Variants in LPP observed in about 807,000 individuals in gnomAD.
LPP encodes LIM domain containing preferred translocation partner in lipoma, also known as lipoma-preferred partner.
Under a neutral mutation model 60.4 loss-of-function variants are expected in LPP, and 38 were observed. The observed-to-expected ratio is 0.63, with a 90% CI of 0.49 to 0.83. The LOEUF (loss-of-function observed/expected upper bound fraction) is 0.83. Ranked by LOEUF, LPP falls within the 40% of genes least tolerant of loss-of-function variation. The pLI is 0.00. For missense variants in LPP, 902 were observed against 783.6 expected (o/e 1.15, Z -1.80); for synonymous variants, 328 against 290.8 (o/e 1.13, Z -1.30).
intron 6 of LPP, among the ~76,000 whole-genome samples, chr3:188,602,069 A>AATATATATATAT (rs10534152): frequency 1.6e-5 from 2 of 128,838 alleles, no homozygotes; most frequent in Admixed American, 1.7e-4. Context: ...CTCTATCTCA[A>AATATATATATAT]ATATATATAT....
chr3:188,278,013 C>T (rs1740601027), intron 2 of LPP, among the ~76,000 whole-genome samples: 1 of 152,116 alleles, frequency 6.6e-6, no homozygotes, highest in African/African-American at 2.4e-5. Flanking sequence ...TTCTTTTTGC[C>T]CTTTTTCTTG....
intron 1 of LPP, among the ~76,000 whole-genome samples, chr3:188,213,253 A>G (rs1002965649): frequency 6.6e-6 from 1 of 152,212 alleles, no homozygotes; most frequent in Non-Finnish European, 1.5e-5. Context: ...GCATTTGCAC[A>G]GCATCCACGG....
chr3:188,790,276 A>G (rs904795130), intron 9 of LPP, among the ~76,000 whole-genome samples: 1 of 152,174 alleles, frequency 6.6e-6, no homozygotes, highest in Non-Finnish European at 1.5e-5. Context: ...AATAGGACAT[A>G]AAGGATCTGA....
intron 8 of LPP, among the ~76,000 whole-genome samples, chr3:188,738,451 A>G (rs890879297): frequency 2.0e-5 from 3 of 152,316 alleles, no homozygotes; most frequent in South Asian, 4.1e-4. Context: ...AAGGCAGACA[A>G]TGTAACTGCA....
chr3:188,331,344 CAT>C (rs570786282), intron 2 of LPP, among the ~76,000 whole-genome samples: 116 of 152,336 alleles, frequency 7.6e-4, no homozygotes, highest in African/African-American at 2.8e-3. Context: ...CAGGATATCA[CAT>C]GTCTTCTCTG....
chr3:188,544,508 C>A (rs1391958897), intron 6 of LPP, among the ~76,000 whole-genome samples: 1 of 150,998 alleles, frequency 6.6e-6, no homozygotes, highest in East Asian at 2.0e-4. Context: ...AAAAAATGCT[C>A]ATCATCACTG....
intron 5 of LPP, among the ~76,000 whole-genome samples, chr3:188,522,502 T>A (rs1230019610): frequency 6.6e-6 from 1 of 152,184 alleles, no homozygotes; most frequent in Non-Finnish European, 1.5e-5. Flanking sequence ...CATTATTCAC[T>A]GATTTATTTA....
intron 9 of LPP, among the ~76,000 whole-genome samples, chr3:188,765,866 T>TCC: frequency 1.3e-5 from 1 of 76,074 alleles, no homozygotes; most frequent in Non-Finnish European, 3.1e-5. Flanking sequence ...CAACTCTTTT[T>TCC]TTTTTTTTTT....
intron 3 of LPP, among the ~76,000 whole-genome samples, chr3:188,387,475 C>T (rs113497174): frequency 2.0e-3 from 305 of 151,758 alleles, no homozygotes; most frequent in Non-Finnish European, 3.2e-3. Context: ...GAAAATTTTG[C>T]GATGATTAAC....
Position 188,879,480 on chromosome 3 carries a change from G to T in LPP, c.*5001G>T. ...CATATTTTTTAGGTTGTATTTATTC[G>T]TAAAGTGAAATGAGATAATAGAGTC... is the stretch of plus-strand genomic sequence containing the variant. On this transcript the variant is annotated 3_prime_UTR_variant, in exon 12 of 12. Transcript: ENST00000617246. 2 of 203,302 alleles carry T rather than the reference G, an allele frequency of 9.8e-6. No homozygotes were observed. Among genetic ancestry groups the T allele is most frequent in the Admixed American group, 6.0e-5 (1 of 16,744 alleles). 12.6% of individuals were successfully genotyped at this position (203,302 alleles called of 1,614,324 possible).
chr3:188,316,752 A>G (rs1456251596), intron 2 of LPP, among the ~76,000 whole-genome samples: 2 of 152,252 alleles, frequency 1.3e-5, no homozygotes, highest in East Asian at 3.8e-4. Flanking sequence ...TCAGATGAGA[A>G]TCAAAACAAA....
intron 6 of LPP, among the ~76,000 whole-genome samples, chr3:188,549,919 A>C (rs1313149564): frequency 6.6e-6 from 1 of 152,164 alleles, no homozygotes; most frequent in Non-Finnish European, 1.5e-5. Flanking sequence ...TGTGCATTAA[A>C]ATCTTGGTTC....
intron 3 of LPP, among the ~76,000 whole-genome samples, chr3:188,367,120 T>C (rs1483450699): frequency 6.6e-6 from 1 of 151,896 alleles, no homozygotes; most frequent in Non-Finnish European, 1.5e-5. Context: ...ATGGTCTCGA[T>C]CTCCTGACCT....
intron 4 of LPP, among the ~76,000 whole-genome samples, chr3:188,469,644 G>T (rs1398578284): frequency 6.6e-6 from 1 of 152,002 alleles, no homozygotes. Flanking sequence ...TTGTTTATTT[G>T]GCTTCTAGGA....
At chr3:188,576,063 C>T (rs1473031592) in intron 6 of LPP, among the ~76,000 whole-genome samples, 3 of 152,150 alleles carry the variant, frequency 2.0e-5, no homozygotes, top group Admixed American at 6.5e-5. Flanking sequence ...AAGCCCTGCT[C>T]TTAACTACTG....
At chr3:188,701,944 C>CTTTTTTTTTTTTTTTTTTTTTTTT (rs35803152) in intron 7 of LPP, among the ~76,000 whole-genome samples, 4 of 83,552 alleles carry the variant, frequency 4.8e-5, no homozygotes, top group Admixed American at 1.8e-4. Flanking sequence ...GTTTTTTTCC[C>CTTTTTTTTTTTTTTTTTTTTTTTT]TTTTTTTTTT....
At chr3:188,415,730 A>T (rs13099273) in intron 4 of LPP, among the ~76,000 whole-genome samples, 84,881 of 148,656 alleles carry the variant, frequency 0.57, 24,508 homozygotes, top group South Asian at 0.69. Context: ...AGCTCTAGAG[A>T]TAAAGGACAT....
chr3:188,339,597 G>A (rs1762519444), intron 2 of LPP, among the ~76,000 whole-genome samples: 1 of 152,158 alleles, frequency 6.6e-6, no homozygotes, highest in African/African-American at 2.4e-5. Context: ...CTGCCAGCAG[G>A]AGAAATGCCA....
At chr3:188,318,169 C>T (rs1024596420) in intron 2 of LPP, among the ~76,000 whole-genome samples, 1 of 152,166 alleles carries the variant, frequency 6.6e-6, no homozygotes, top group African/African-American at 2.4e-5. Flanking sequence ...TTTAATTTAG[C>T]ACAGTACTTT....
Sources: gnomAD v4.1 joint callset for allele counts (sites outside exome capture counted in the v4.1 genomes callset) on GRCh38, gnomAD v4.1.1 for gene constraint, MANE v1.5 for transcripts, NCBI Gene and HGNC (gene_info 2026-07-23, HGNC 2026-07-21) for gene names.